LRRC37A2: variants seen among roughly 807,000 people sequenced by gnomAD.
The protein encoded by LRRC37A2 is leucine rich repeat containing 37 member A2.
In LRRC37A2, 9 loss-of-function variants were observed where a neutral mutation model predicts 68.8. The ratio of observed to expected loss-of-function variants is 0.13; its 90% CI spans 0.08 to 0.23. The LOEUF (loss-of-function observed/expected upper bound fraction) is 0.23. LRRC37A2 is among the 10% of genes least tolerant of loss of function. The pLI is 1.00. For missense variants in LRRC37A2, 168 were observed against 950.4 expected, an observed-to-expected ratio of 0.18 and a Z score of 10.82; for synonymous variants, 63 against 367.6, an observed-to-expected ratio of 0.17 and a Z score of 9.48.
At chr17:46,404,973 C>T in the LRRC37A2 span, among the ~76,000 whole-genome samples, 3 of 96,966 alleles carry the variant, frequency 3.1e-5, no homozygotes, top group Non-Finnish European at 4.8e-5. Context: ...GAGGCCGAGG[C>T]GGGCGGATTG....
the LRRC37A2 span, among the ~76,000 whole-genome samples, chr17:46,783,464 T>A: frequency 6.6e-6 from 1 of 152,230 alleles, no homozygotes; most frequent in Non-Finnish European, 1.5e-5. Flanking sequence ...TGGAGATTAA[T>A]GAAGCCACAC....
At chr17:46,490,980 C>T in the LRRC37A2 span, among the ~76,000 whole-genome samples, 1 of 150,322 alleles carries the variant, frequency 6.7e-6, no homozygotes, top group African/African-American at 2.5e-5. Flanking sequence ...CTGCAACCTC[C>T]ACCTCCCGGG....
chr17:46,966,481 G>A, the LRRC37A2 span: 1 of 657,458 alleles, frequency 1.5e-6, no homozygotes, highest in East Asian at 2.8e-5. Flanking sequence ...CAGGGTAGTT[G>A]GAACTACAGG....
the LRRC37A2 span, among the ~76,000 whole-genome samples, chr17:46,768,084 G>A: frequency 5.3e-5 from 8 of 152,162 alleles, no homozygotes; most frequent in Admixed American, 3.9e-4. This position sits in a 1 kb window ranked among gnomAD's most constrained non-coding sequence, Gnocchi z 5.0. Flanking sequence ...CACCGCACCC[G>A]GCCAACACTG....
the LRRC37A2 span, among the ~76,000 whole-genome samples, chr17:46,828,068 C>T: frequency 6.6e-6 from 1 of 152,056 alleles, no homozygotes; most frequent in East Asian, 1.9e-4. Flanking sequence ...CCTCATGATC[C>T]GCCCACCTCG....
At chr17:47,002,453 C>T in the LRRC37A2 span, among the ~76,000 whole-genome samples, 1 of 151,524 alleles carries the variant, frequency 6.6e-6, no homozygotes, top group East Asian at 1.9e-4. Context: ...TGCAATGGCG[C>T]TATCTTGGCT....
chr17:46,558,578 A>C (rs2057418910), downstream of LRRC37A2, among the ~76,000 whole-genome samples: 1 of 128,464 alleles, frequency 7.8e-6, no homozygotes, highest in Admixed American at 7.7e-5. Flanking sequence ...TTTTTTCTAA[A>C]AACAGTTTCA....
At chr17:46,929,648 T>C in the LRRC37A2 span, 1 of 832,692 alleles carries the variant, frequency 1.2e-6, no homozygotes, top group East Asian at 2.4e-5. Flanking sequence ...TGGGCTGGGC[T>C]TCCTGACTGC....
At chr17:46,738,870 G>A in the LRRC37A2 span, among the ~76,000 whole-genome samples, 1 of 152,282 alleles carries the variant, frequency 6.6e-6, no homozygotes, top group Non-Finnish European at 1.5e-5. Context: ...GGGAGGCCAA[G>A]GCAGGAGGAT....
chr17:46,728,457 C>G, the LRRC37A2 span, among the ~76,000 whole-genome samples: 2 of 151,790 alleles, frequency 1.3e-5, no homozygotes, highest in Admixed American at 1.3e-4. Flanking sequence ...TATTTAGAAG[C>G]TTTTTCAAAA....
the LRRC37A2 span, among the ~76,000 whole-genome samples, chr17:46,889,622 AGCAT>A: frequency 3.9e-5 from 6 of 152,248 alleles, no homozygotes; most frequent in Admixed American, 3.3e-4. Flanking sequence ...TGATTATTAG[AGCAT>A]GCCTTTTCTT....
the LRRC37A2 span, among the ~76,000 whole-genome samples, chr17:46,860,827 T>C: frequency 6.6e-6 from 1 of 152,232 alleles, no homozygotes. Context: ...AGGTAGGTGC[T>C]GATATAATTC....
chr17:46,748,590 T>C, the LRRC37A2 span, among the ~76,000 whole-genome samples: 2 of 152,172 alleles, frequency 1.3e-5, 1 homozygote, highest in South Asian at 4.1e-4. Context: ...AAAGGAAGGC[T>C]GGGATACAGG....
chr17:46,815,734 C>G, the LRRC37A2 span, among the ~76,000 whole-genome samples: 1 of 152,160 alleles, frequency 6.6e-6, no homozygotes, highest in Non-Finnish European at 1.5e-5. Flanking sequence ...AAGCTGGTGT[C>G]AAGGAAGCCT....
chr17:46,463,431 A>AT, the LRRC37A2 span, among the ~76,000 whole-genome samples: 1 of 107,398 alleles, frequency 9.3e-6, no homozygotes, highest in East Asian at 2.4e-4. Flanking sequence ...GTTGATTGTC[A>AT]TGCTATTTGT....
chr17:46,932,818 G>C, the LRRC37A2 span: 1 of 157,680 alleles, frequency 6.3e-6, no homozygotes, highest in Non-Finnish European at 1.4e-5. Context: ...AGAACATACT[G>C]GCCTTTTCTG....
the LRRC37A2 span, among the ~76,000 whole-genome samples, chr17:47,009,829 C>T: frequency 1.3e-5 from 2 of 152,214 alleles, no homozygotes; most frequent in African/African-American, 4.8e-5. Context: ...CAGATGCTGC[C>T]GCGCTGTTTC....
chr17:46,879,088 AAT>A, the LRRC37A2 span, among the ~76,000 whole-genome samples: 3 of 152,214 alleles, frequency 2.0e-5, no homozygotes, highest in Admixed American at 1.3e-4. Flanking sequence ...GTCTACCTCA[AAT>A]ATATAGTTTT....
At chr17:46,933,392 T>G in the LRRC37A2 span, 1 of 152,254 alleles carries the variant, frequency 6.6e-6, no homozygotes, top group Non-Finnish European at 1.5e-5. Context: ...ATTTCATAAG[T>G]GCTAGTCAAA....
Sources: allele counts gnomAD v4.1 joint callset (sites outside exome capture counted in the v4.1 genomes callset), GRCh38; gene constraint gnomAD v4.1.1; non-coding constraint Gnocchi (gnomAD v3.1); transcripts MANE v1.5; gene names NCBI Gene and HGNC (gene_info 2026-07-23, HGNC 2026-07-21).